The following EP300 variants were observed in gnomAD, a reference collection of about 807,000 sequenced individuals.
EP300 encodes EP300 lysine acetyltransferase.
Under a neutral mutation model 264.0 loss-of-function variants are expected in EP300, and 31 were observed. That is an observed-to-expected ratio of 0.12 (90% CI 0.09 to 0.16). EP300 has a LOEUF of 0.16. EP300 is among the 10% of genes least tolerant of loss of function. The probability of loss-of-function intolerance (pLI) is 1.00; values close to 1 mark genes in which losing one functional copy is unlikely to be tolerated. For missense variants in EP300, 2,766 were observed against 3,052.9 expected, an observed-to-expected ratio of 0.91 and a Z score of 2.21; for synonymous variants, 1,340 against 1,045.4, an observed-to-expected ratio of 1.28 and a Z score of -5.44.
At chr22:41,155,141 T>G (rs1218913360) in intron 17 of EP300, 28 bp downstream of exon 17, 1 of 1,463,244 alleles carries the variant, frequency 6.8e-7, no homozygotes, top group South Asian at 1.1e-5. Context: ...CTTTTGATTT[T>G]ATTTTTTAAT....
At chr22:41,111,876 CTTTTTTTTTTTTTTTTTTTT>C (rs71200661) in intron 1 of EP300, among the ~76,000 whole-genome samples, 1 of 54,664 alleles carries the variant, frequency 1.8e-5, no homozygotes, top group Non-Finnish European at 3.1e-5. Flanking sequence ...AACTTGTAAC[CTTTTTTTTTTTTTTTTTTTT>C]TTTTTTTTTG....
intron 17 of EP300, 114 bp from the exon 18 acceptor site, chr22:41,157,055 A>G: frequency 7.6e-7 from 1 of 1,312,848 alleles, no homozygotes; most frequent in South Asian, 1.3e-5. Context: ...GGGAATATAG[A>G]CAGGCCAGAA....
At chr22:41,159,475 A>G (rs183376254) in intron 19 of EP300, 1 of 152,230 alleles carries the variant, frequency 6.6e-6, no homozygotes, top group African/African-American at 2.4e-5. Context: ...TCAAGTTGTT[A>G]TAAGTACCTT....
chr22:41,128,091 A>G (rs1229886864), intron 4 of EP300, among the ~76,000 whole-genome samples: 1 of 152,184 alleles, frequency 6.6e-6, no homozygotes, highest in Non-Finnish European at 1.5e-5. Flanking sequence ...GCTTGAGCCC[A>G]GGAAGTCAAG....
At position 41,126,012 on chromosome 22, in the gene EP300, C is replaced by T. The variant is rs2145708015; in HGVS notation, c.878C>T (p.Ala293Val). The T allele has an allele frequency of 6.2e-7, 1 of 1,614,166 alleles. No individual in the cohort carries two copies. Among genetic ancestry groups the T allele is most frequent in the Non-Finnish European group, 8.5e-7 (1 of 1,180,030 alleles). Residue 293 changes from alanine (A) to valine (V), a missense_variant, in exon 3 of 31, where the codon GCA becomes GTA. Ala to Val is a moderately conservative substitution (Grantham distance 64). Transcript: ENST00000263253. ...NLSPFAMDKKAVPGGGMPNMG... is the reference protein window; with the variant it reads ...NLSPFAMDKKVVPGGGMPNMG... ...TCTCCATTTGCTATGGACAAAAAGGCAGTTCCTGGTGGAGGAATGCCCAAC... is the reference window on the plus strand; with the variant it reads ...TCTCCATTTGCTATGGACAAAAAGGTAGTTCCTGGTGGAGGAATGCCCAAC...
At chr22:41,122,157 C>CTTTTTTT (rs71328774) in intron 2 of EP300, among the ~76,000 whole-genome samples, 29 of 35,870 alleles carry the variant, frequency 8.1e-4, no homozygotes, top group African/African-American at 1.5e-3. Context: ...TCTTCTTCTT[C>CTTTTTTT]TTTTTTTTTT....
rs933480220 is a variant in EP300, at chr22:41,179,482, A to G, written c.*526A>G. 15 of 170,104 alleles carry G rather than the reference A, an allele frequency of 8.8e-5. No homozygotes were observed. Among genetic ancestry groups the G allele is most frequent in the African/African-American group, 3.6e-4 (15 of 41,382 alleles). 10.5% of individuals were successfully genotyped at this position (170,104 alleles called of 1,614,324 possible). On this transcript the variant is annotated 3_prime_UTR_variant, in exon 31 of 31. Transcript: ENST00000263253. Reference sequence around the variant, plus strand: ...AATATATATAAATATATATTAAAATACCAGTTTTTTTTCTCTGGGTGCAAA... The same window carrying G: ...AATATATATAAATATATATTAAAATGCCAGTTTTTTTTCTCTGGGTGCAAA...
chr22:41,146,306 A>C (rs2059010434), intron 10 of EP300, among the ~76,000 whole-genome samples: 2 of 152,010 alleles, frequency 1.3e-5, no homozygotes, highest in South Asian at 4.1e-4. Flanking sequence ...CTGGGATTAC[A>C]GGTGCCTGCC....
At chr22:41,093,475 C>A (rs909645295) in intron 1 of EP300, among the ~76,000 whole-genome samples, 2 of 152,150 alleles carry the variant, frequency 1.3e-5, no homozygotes, top group African/African-American at 4.8e-5. Flanking sequence ...AATTTCGAAT[C>A]CTTTCTCTTT....
intron 23 of EP300, among the ~76,000 whole-genome samples, chr22:41,167,617 TATATATATATATATATATA>T (rs2059145363): frequency 1.8e-5 from 1 of 56,328 alleles, no homozygotes; most frequent in Admixed American, 1.8e-4. Flanking sequence ...TATATATATA[TATATATATATATATATATA>T]ATGTTTGGTT....
rs147583157 is a variant in EP300, at chr22:41,125,873, A to G, written c.739A>G (p.Met247Val). 91 of 1,614,118 alleles carry G rather than the reference A, an allele frequency of 5.6e-5. No homozygotes were observed. The African/African-American group carries it at 1.0e-3, about 18-fold the overall frequency. Residue 247 changes from methionine (M) to valine (V), a missense_variant, in exon 3 of 31, where the codon ATG (methionine) becomes GTG (valine). Met to Val is a conservative substitution (Grantham distance 21). Coordinates refer to ENST00000263253, the MANE Select transcript of EP300 (RefSeq NM_001429.4). ...TGTTTCTTACTCTTAGATGGGAATG[A>G]TGAACAACCCCAATCCTTATGGTTC... Reference protein sequence around the residue: ...RGPQPLKMGMMNNPNPYGSPY... With the variant: ...RGPQPLKMGMVNNPNPYGSPY...
intron 1 of EP300, among the ~76,000 whole-genome samples, chr22:41,105,904 A>C (rs1389864736): frequency 6.6e-6 from 1 of 152,152 alleles, no homozygotes. Flanking sequence ...TCTTTTATCC[A>C]AATTTGTATA....
At chr22:41,161,414 G>A (rs1468470092) in intron 20 of EP300, among the ~76,000 whole-genome samples, 1 of 152,096 alleles carries the variant, frequency 6.6e-6, no homozygotes, top group African/African-American at 2.4e-5. Flanking sequence ...TCAGGAGATC[G>A]AGACCATCCT....
intron 1 of EP300, among the ~76,000 whole-genome samples, chr22:41,100,640 CTATT>C (rs147624197): frequency 0.014 from 2,159 of 152,248 alleles, 45 homozygotes; most frequent in African/African-American, 0.05. Context: ...AGTGCACCAA[CTATT>C]TATGTTGCAT....
At position 41,151,818 on chromosome 22, in the gene EP300, T is replaced by G. The variant is rs2059047233; in HGVS notation, c.2818-15T>G. 1 of 1,613,846 alleles carries G rather than the reference T, an allele frequency of 6.2e-7. No individual in the cohort carries two copies. Among genetic ancestry groups the G allele is most frequent in the Non-Finnish European group, 8.5e-7 (1 of 1,180,006 alleles). On this transcript the variant is annotated splice_polypyrimidine_tract_variant and intron_variant, in intron 14 of 30. Coordinates refer to ENST00000263253, the MANE Select transcript of EP300 (RefSeq NM_001429.4). Reference sequence around the variant, plus strand: ...CTGCGTGTGTCTCACCTACTTCCCTTTTTTTTCTGCCCAGCTTTCCCAGCC... The same window carrying G: ...CTGCGTGTGTCTCACCTACTTCCCTGTTTTTTCTGCCCAGCTTTCCCAGCC...
rs116968957 is a variant in EP300 at position 41,161,919 on chromosome 22, T to G, written c.3672-804T>G. On this transcript the variant is annotated intron_variant, in intron 20 of 30. Coordinates refer to ENST00000263253, the MANE Select transcript of EP300 (RefSeq NM_001429.4). ...TTGATCCTTGAAACATTTTGACATT[T>G]GGTTAAGCCAGGAAGGTTAGCTCTA... Among the ~76,000 whole-genome samples the G allele has an allele frequency of 1.6e-4, 24 of 152,330 alleles. No individual in the cohort carries two copies. The East Asian group carries it at 4.0e-3, about 26-fold the overall frequency.
rs1433005511 is a variant in EP300 at position 41,096,674 on chromosome 22, A to G, written c.94+3576A>G. 2.1e-5 allele frequency among the ~76,000 whole-genome samples: 3 copies of G among 140,878 alleles called. No homozygotes were observed. The Admixed American group carries it at 2.3e-4, about 11-fold the overall frequency. The allele number at this position is 140,878 out of a possible 152,430, so 92.4% of individuals were successfully genotyped here. ...GCTCTCGTTGCCCAGGCTGGAGTGCAGTAGCTCGATCTTGGCTCACTGCAA... is the reference window on the plus strand; with the variant it reads ...GCTCTCGTTGCCCAGGCTGGAGTGCGGTAGCTCGATCTTGGCTCACTGCAA... On this transcript the variant is annotated intron_variant, in intron 1 of 30. Transcript: ENST00000263253.
At chr22:41,127,971 T>C (rs2145710795) in intron 4 of EP300, among the ~76,000 whole-genome samples, 1 of 152,308 alleles carries the variant, frequency 6.6e-6, no homozygotes, top group East Asian at 1.9e-4. Flanking sequence ...GAGGATTGCT[T>C]GAGGCCAGGA....
intron 1 of EP300, among the ~76,000 whole-genome samples, chr22:41,113,446 C>T (rs538645872): frequency 6.6e-6 from 1 of 152,114 alleles, no homozygotes; most frequent in Admixed American, 6.6e-5. Flanking sequence ...TGATTGTCTT[C>T]TTCATATTAA....
Sources: allele counts gnomAD v4.1 joint callset (sites outside exome capture counted in the v4.1 genomes callset), GRCh38; gene constraint gnomAD v4.1.1; transcripts MANE v1.5; gene names NCBI Gene and HGNC (gene_info 2026-07-23, HGNC 2026-07-21).